Variants in ULK4 observed in about 807,000 individuals in gnomAD.
The protein encoded by ULK4 is unc-51 like kinase 4.
A neutral mutation model predicts 160.6 loss-of-function variants in ULK4; 133 were observed. The ratio of observed to expected loss-of-function variants is 0.83; its 90% CI spans 0.72 to 0.96. ULK4 has a LOEUF of 0.96. Among genes scored for constraint, ULK4 ranks in the 40% least tolerant of loss-of-function variants. The probability of loss-of-function intolerance (pLI) is 0.00; values close to 1 mark genes in which losing one functional copy is unlikely to be tolerated. For synonymous variants in ULK4, 534 were observed against 539.8 expected, an observed-to-expected ratio of 0.99 and a Z score of 0.15; for missense variants, 1,580 against 1,499.5, an observed-to-expected ratio of 1.05 and a Z score of -0.89.
intron 35 of ULK4, among the ~76,000 whole-genome samples, chr3:41,301,072 G>T (rs1449918320): frequency 6.6e-6 from 1 of 151,188 alleles, no homozygotes; most frequent in Admixed American, 6.6e-5. Flanking sequence ...GGCTCAGAAA[G>T]GGTCAAAGGA....
At chr3:41,690,317 G>A (rs1428371904) in intron 27 of ULK4, among the ~76,000 whole-genome samples, 1 of 151,468 alleles carries the variant, frequency 6.6e-6, no homozygotes, top group Admixed American at 6.6e-5. Flanking sequence ...GGGAGGGATA[G>A]CTTTAGGAGA....
intron 35 of ULK4, among the ~76,000 whole-genome samples, chr3:41,396,991 A>G (rs1399210905): frequency 6.6e-6 from 1 of 152,116 alleles, no homozygotes; most frequent in Non-Finnish European, 1.5e-5. Flanking sequence ...ACTCGCTGCA[A>G]CTGTCTACCT....
intron 21 of ULK4, among the ~76,000 whole-genome samples, chr3:41,764,338 C>T (rs1373209218): frequency 1.3e-5 from 2 of 151,902 alleles, no homozygotes; most frequent in African/African-American, 4.8e-5. Flanking sequence ...TTTTGGGATG[C>T]CTAGTAAAGT....
At chr3:41,873,679 G>C (rs577481021) in intron 17 of ULK4, among the ~76,000 whole-genome samples, 8 of 152,044 alleles carry the variant, frequency 5.3e-5, no homozygotes, top group Non-Finnish European at 1.2e-4. Flanking sequence ...TTAGTCTCTC[G>C]AGTAACTGAG....
chr3:41,462,977 T>C, intron 33 of ULK4, 110 bp downstream of exon 33: 2 of 1,306,370 alleles, frequency 1.5e-6, no homozygotes, highest in Non-Finnish European at 2.1e-6. Flanking sequence ...GAATTATACA[T>C]TCTTTTAAAT....
chr3:41,496,794 T>A (rs185811250), intron 32 of ULK4, among the ~76,000 whole-genome samples: 1 of 152,208 alleles, frequency 6.6e-6, no homozygotes, highest in East Asian at 1.9e-4. Context: ...CTAACTACTC[T>A]AGGTATTCAA....
At chr3:41,947,247 C>G (rs1576001100) in intron 2 of ULK4, among the ~76,000 whole-genome samples, 1 of 152,124 alleles carries the variant, frequency 6.6e-6, no homozygotes, top group Non-Finnish European at 1.5e-5. Flanking sequence ...GGAGACGGAG[C>G]TTGCGGTGAG....
intron 34 of ULK4, among the ~76,000 whole-genome samples, chr3:41,403,134 G>C (rs1247543098): frequency 6.7e-6 from 1 of 148,924 alleles, no homozygotes; most frequent in African/African-American, 2.5e-5. Flanking sequence ...TGGGCAACAA[G>C]AGTGAAAACT....
intron 35 of ULK4, among the ~76,000 whole-genome samples, chr3:41,262,818 A>T (rs2078969899): frequency 6.6e-6 from 1 of 152,224 alleles, no homozygotes; most frequent in South Asian, 2.1e-4. Flanking sequence ...ATTAAGTCCC[A>T]TAAGTCTAAA....
intron 35 of ULK4, among the ~76,000 whole-genome samples, chr3:41,282,514 A>G (rs1256085745): frequency 6.6e-6 from 1 of 152,214 alleles, no homozygotes; most frequent in Non-Finnish European, 1.5e-5. Flanking sequence ...CAATCATCTG[A>G]TCTTTGACAA....
intron 34 of ULK4, among the ~76,000 whole-genome samples, chr3:41,436,012 G>A (rs571244768): frequency 6.6e-6 from 1 of 152,196 alleles, no homozygotes; most frequent in Admixed American, 6.5e-5. Flanking sequence ...AACTTACGAT[G>A]ATTTTACTTA....
Position 41,935,831 on chromosome 3 carries a change from G to A in ULK4, c.348C>T (p.Gly116=), listed in dbSNP as rs1462884186. ...ISGLHHLHKL[G]ILFCDISPRK... is the part of the protein sequence containing the mutation. ...TAGGAGAAATGTCACAAAAGAGAAT[G>A]CCAAGTTTATGAAGATGATGTAATC... The change falls in exon 4 of 37, where the codon GGC becomes GGT. Residue 116 remains glycine (G), a synonymous_variant. Transcript: ENST00000301831. 2 of 1,612,156 alleles carry A rather than the reference G, an allele frequency of 1.2e-6. No homozygotes were observed. The highest frequency in any genetic ancestry group is 1.7e-6 in the Non-Finnish European group (2 of 1,179,424).
At chr3:41,699,876 G>A (rs2036615446) in intron 27 of ULK4, among the ~76,000 whole-genome samples, 1 of 152,186 alleles carries the variant, frequency 6.6e-6, no homozygotes, top group African/African-American at 2.4e-5. Flanking sequence ...AATAGACGCT[G>A]TAGTTACAAT....
intron 19 of ULK4, among the ~76,000 whole-genome samples, chr3:41,805,413 A>G (rs2040609968): frequency 1.3e-5 from 2 of 152,240 alleles, no homozygotes; most frequent in African/African-American, 4.8e-5. Flanking sequence ...TAAATATACA[A>G]TCATGTTGTT....
At chr3:41,360,217 T>C (rs2081114846) in intron 35 of ULK4, among the ~76,000 whole-genome samples, 1 of 152,158 alleles carries the variant, frequency 6.6e-6, no homozygotes, top group South Asian at 2.1e-4. Context: ...CACGATGAGA[T>C]ACCATCTCAT....
intron 35 of ULK4, among the ~76,000 whole-genome samples, chr3:41,386,626 C>T (rs2081818492): frequency 6.6e-6 from 1 of 152,142 alleles, no homozygotes; most frequent in African/African-American, 2.4e-5. Flanking sequence ...TAGAGCCAAA[C>T]TTAGTTCACA....
chr3:41,537,984 A>T (rs1023817991), intron 32 of ULK4, among the ~76,000 whole-genome samples: 7 of 151,284 alleles, frequency 4.6e-5, no homozygotes, highest in African/African-American at 1.7e-4. Flanking sequence ...TCAGGCAGAT[A>T]TGCTTTCTCA....
chr3:41,730,218 A>G (rs933100134), intron 22 of ULK4, among the ~76,000 whole-genome samples: 15 of 152,170 alleles, frequency 9.9e-5, no homozygotes, highest in Non-Finnish European at 1.8e-4. Flanking sequence ...AGAACCAAAC[A>G]TTATACTTCA....
intron 32 of ULK4, among the ~76,000 whole-genome samples, chr3:41,520,578 T>C (rs1045411032): frequency 1.3e-5 from 2 of 152,218 alleles, no homozygotes; most frequent in African/African-American, 4.8e-5. Flanking sequence ...GGGAATATTA[T>C]AAGAGAATTG....
Sources: gnomAD v4.1 joint callset for allele counts (sites outside exome capture counted in the v4.1 genomes callset) on GRCh38, gnomAD v4.1.1 for gene constraint, MANE v1.5 for transcripts, NCBI Gene and HGNC (gene_info 2026-07-23, HGNC 2026-07-21) for gene names.